The following USP7 variants were observed in gnomAD, a reference collection of about 807,000 sequenced individuals.
USP7 encodes ubiquitin C-terminal hydrolase 7.
Under a neutral mutation model 162.9 loss-of-function variants are expected in USP7, and 9 were observed. That is an observed-to-expected ratio of 0.06 (90% confidence interval 0.03 to 0.10). The LOEUF is 0.10. Among genes scored for constraint, USP7 ranks in the 10% least tolerant of loss-of-function variants. USP7 has a pLI of 1.00. For missense variants in USP7, 715 were observed against 1,373.7 expected (o/e 0.52, Z 7.58); for synonymous variants, 562 against 475.9 (o/e 1.18, Z -2.35).
intron 3 of USP7, 120 bp from the exon 4 acceptor site, chr16:8,921,415 C>T (rs1436095572): frequency 2.2e-5 from 26 of 1,197,356 alleles, no homozygotes; most frequent in Middle Eastern, 2.1e-4. Context: ...TCTCTCCTTT[C>T]GGGTTGGGGT....
intron 1 of USP7, among the ~76,000 whole-genome samples, chr16:8,932,048 T>C (rs1477355682): frequency 3.3e-5 from 5 of 152,104 alleles, no homozygotes; most frequent in African/African-American, 1.2e-4. Context: ...CCACGGACAG[T>C]GCCATGCTCA....
intron 1 of USP7, among the ~76,000 whole-genome samples, chr16:8,941,304 C>T (rs1408832747): frequency 3.3e-5 from 5 of 152,230 alleles, no homozygotes; most frequent in African/African-American, 7.2e-5. Context: ...TTCTAAGCTG[C>T]TACCATTAGC....
intron 22 of USP7, 128 bp from the exon 23 acceptor site, chr16:8,899,316 G>C (rs1157990917): frequency 1.1e-6 from 1 of 901,970 alleles, no homozygotes. Flanking sequence ...TTATTAAACA[G>C]GAATAAACTA....
At chr16:8,936,842 C>G in intron 1 of USP7, 4 of 960,964 alleles carry the variant, frequency 4.2e-6, no homozygotes, top group Non-Finnish European at 5.3e-6. Context: ...TGGTGAAACT[C>G]TGAAAGAATC....
chr16:8,961,746 T>C (rs1002472120), intron 1 of USP7, among the ~76,000 whole-genome samples: 1 of 152,222 alleles, frequency 6.6e-6, no homozygotes, highest in African/African-American at 2.4e-5. Context: ...ATGTTTTAGA[T>C]GGGCTGCAAA....
intron 1 of USP7, among the ~76,000 whole-genome samples, chr16:8,932,204 C>T (rs900550562): frequency 2.0e-5 from 3 of 152,282 alleles, no homozygotes; most frequent in South Asian, 2.1e-4. Context: ...ACCACTCAGA[C>T]GTTTAAGACA....
chr16:8,892,845 G>C lies in USP7; in HGVS notation c.*1153C>G, dbSNP rs765934502. The C allele has an allele frequency of 6.6e-6, 1 of 152,078 alleles. No individual in the cohort carries two copies. The highest frequency in any genetic ancestry group is 1.5e-5 in the Non-Finnish European group (1 of 68,018). 9.4% of individuals were successfully genotyped at this position (152,078 alleles called of 1,614,324 possible). A position where few individuals can be genotyped will look rare whatever the true frequency, so the allele number is the denominator to read the frequency against. On this transcript the variant is annotated 3_prime_UTR_variant, in exon 31 of 31. Transcript: ENST00000344836. ...AAAAGGCAATATACAGGAAGAGTTGGTGTACACTGCTCCCACAGAAACAAC... is the reference window on the plus strand; with the variant it reads ...AAAAGGCAATATACAGGAAGAGTTGCTGTACACTGCTCCCACAGAAACAAC...
intron 4 of USP7, among the ~76,000 whole-genome samples, chr16:8,920,769 G>C (rs1596378685): frequency 6.6e-6 from 1 of 152,180 alleles, no homozygotes; most frequent in East Asian, 1.9e-4. Flanking sequence ...AGCATAGTAA[G>C]AAGTAACATT....
intron 2 of USP7, among the ~76,000 whole-genome samples, chr16:8,923,680 A>G (rs538733420): frequency 3.9e-5 from 6 of 152,326 alleles, no homozygotes; most frequent in Admixed American, 1.3e-4. Context: ...ACATGAGAAC[A>G]ATGTCTACTT....
Position 8,921,080 on chromosome 16 carries a change from A to T in USP7, c.522+77T>A. On this transcript the variant is annotated intron_variant, in intron 4 of 30. Transcript: ENST00000344836. ...AATCTGACTCTAAAATCAATAAAGG[A>T]CTTGAAAAATCAAAAAGTTAAGGGA... The T allele has an allele frequency of 2.7e-6, 4 of 1,476,730 alleles. No individual in the cohort carries two copies. In the South Asian group the frequency reaches 5.2e-5, roughly 19 times the overall value. 91.5% of individuals were successfully genotyped at this position (1,476,730 alleles called of 1,614,324 possible).
intron 3 of USP7, among the ~76,000 whole-genome samples, chr16:8,921,867 A>G (rs1897711372): frequency 2.0e-5 from 3 of 152,240 alleles, no homozygotes; most frequent in Non-Finnish European, 4.4e-5. Context: ...CCATACATAC[A>G]GCACTTAAGC....
intron 14 of USP7, 64 bp from the exon 15 acceptor site, chr16:8,904,629 A>G (rs1468103305): frequency 1.3e-6 from 2 of 1,577,570 alleles, no homozygotes; most frequent in Non-Finnish European, 1.7e-6. Context: ...GAAGCTCCCG[A>G]TTCTAGGTCA....
intron 2 of USP7, among the ~76,000 whole-genome samples, chr16:8,925,747 C>G (rs112415721): frequency 6.6e-6 from 1 of 152,220 alleles, no homozygotes; most frequent in African/African-American, 2.4e-5. Context: ...ACTCAAGGCA[C>G]ATTTCTTAGA....
At chr16:8,917,849 G>C (rs1596375251) in intron 6 of USP7, among the ~76,000 whole-genome samples, 1 of 151,994 alleles carries the variant, frequency 6.6e-6, no homozygotes, top group East Asian at 1.9e-4. Flanking sequence ...GAATGCAGTG[G>C]CGTGATCTTG....
At chr16:8,955,303 G>A (rs930713273) in intron 1 of USP7, among the ~76,000 whole-genome samples, 2 of 152,224 alleles carry the variant, frequency 1.3e-5, no homozygotes, top group African/African-American at 4.8e-5. Flanking sequence ...AGAGTGCAGT[G>A]ATGCAATCTT....
At chr16:8,961,645 AAT>A (rs1900020087) in intron 1 of USP7, among the ~76,000 whole-genome samples, 1 of 152,134 alleles carries the variant, frequency 6.6e-6, no homozygotes, top group Non-Finnish European at 1.5e-5. Flanking sequence ...GCGGTAGGAC[AAT>A]GTCATGGGAA....
chr16:8,897,458 G>A (rs1245573188), intron 25 of USP7, among the ~76,000 whole-genome samples: 1 of 152,048 alleles, frequency 6.6e-6, no homozygotes, highest in Non-Finnish European at 1.5e-5. Context: ...ACCAGAGGCA[G>A]ACTGTGGGCC....
chr16:8,944,783 T>C (rs576802606), intron 1 of USP7, among the ~76,000 whole-genome samples: 4 of 152,280 alleles, frequency 2.6e-5, no homozygotes, highest in African/African-American at 9.6e-5. Flanking sequence ...GTCAGATCTT[T>C]TGAAAAACTA....
intron 1 of USP7, among the ~76,000 whole-genome samples, chr16:8,961,696 G>C (rs1162168919): frequency 1.3e-5 from 2 of 152,122 alleles, no homozygotes; most frequent in Non-Finnish European, 2.9e-5. Context: ...GTCTTGACCG[G>C]GTACCATTTG....
Sources: allele counts gnomAD v4.1 joint callset (sites outside exome capture counted in the v4.1 genomes callset), GRCh38; gene constraint gnomAD v4.1.1; transcripts MANE v1.5; gene names NCBI Gene and HGNC (gene_info 2026-07-23, HGNC 2026-07-21).